The following XXYLT1 variants were observed in gnomAD, a reference collection of about 807,000 sequenced individuals.
XXYLT1 encodes the protein xyloside xylosyltransferase 1.
XXYLT1 carries 20 observed loss-of-function variants against 28.9 expected under a neutral mutation model. That is an observed-to-expected ratio of 0.69 (90% CI 0.49 to 1.00). The LOEUF is 1.00. Among genes scored for constraint, XXYLT1 ranks in the 50% least tolerant of loss-of-function variants. The pLI, the probability that XXYLT1 is intolerant of heterozygous loss-of-function variation, is 0.00. For synonymous variants in XXYLT1, 257 were observed against 253.8 expected, an observed-to-expected ratio of 1.01 and a Z score of -0.12; for missense variants, 542 against 560.1, an observed-to-expected ratio of 0.97 and a Z score of 0.33.
intron 3 of XXYLT1, among the ~76,000 whole-genome samples, chr3:195,148,334 G>C (rs544206399): frequency 6.6e-6 from 1 of 152,294 alleles, no homozygotes; most frequent in South Asian, 2.1e-4. Context: ...ACTTAGCCCA[G>C]TTTTCTAACT....
chr3:195,245,870 A>G (rs1295472655), intron 1 of XXYLT1, among the ~76,000 whole-genome samples: 1 of 152,132 alleles, frequency 6.6e-6, no homozygotes, highest in Non-Finnish European at 1.5e-5. Flanking sequence ...CTGCTTCCCC[A>G]TCACCTTCCG....
rs373341869 is a variant in XXYLT1 at position 195,089,195 on chromosome 3, G to A, written c.786-19084C>T. Among the ~76,000 whole-genome samples the A allele has an allele frequency of 8.6e-5, 13 of 151,798 alleles. No individual in the cohort carries two copies. In the East Asian group the frequency reaches 2.3e-3, roughly 27 times the overall value. ...AGAGAACGCCACAAAGATACTCCTC[G>A]AGAAGAGCAACTCCAAGACACATAA... On this transcript the variant is annotated intron_variant, in intron 3 of 3. Coordinates refer to ENST00000310380, the MANE Select transcript of XXYLT1 (RefSeq NM_152531.5).
chr3:195,111,143 C>T lies in XXYLT1; in HGVS notation c.786-41032G>A, dbSNP rs116774693. On this transcript the variant is annotated intron_variant, in intron 3 of 3. Transcript: ENST00000310380. The stretch of plus-strand genomic sequence containing the variant: ...CGCTCCCCTAGCTTCTGGTGGTTCG[C>T]TGGCAATCTTTGCTATTCCTTAGCA... Among the ~76,000 whole-genome samples, 446 of 152,146 alleles carry T rather than the reference C, an allele frequency of 2.9e-3. 3 individuals carry two copies. The highest frequency in any genetic ancestry group is 0.01 in the African/African-American group (426 of 41,448).
In XXYLT1 at chr3:195,150,973, C is replaced by A. The variant is rs1720205242; in HGVS notation, c.785+5476G>T. 6.6e-6 allele frequency among the ~76,000 whole-genome samples: 1 copy of A among 152,180 alleles called. No individual in the cohort carries two copies. Among genetic ancestry groups the A allele is most frequent in the South Asian group, 2.1e-4 (1 of 4,812 alleles). On this transcript the variant is annotated intron_variant, in intron 3 of 3. Transcript: ENST00000310380. This position sits in a 1 kb window ranked among gnomAD's most constrained non-coding sequence, Gnocchi z 4.7. ...TGACCAGGCCTCCTGGTCCCAGTGG[C>A]CTCCCCAAATGACCCAGTCCACAGT...
intron 2 of XXYLT1, among the ~76,000 whole-genome samples, chr3:195,182,768 A>G (rs1307745983): frequency 6.6e-6 from 1 of 152,106 alleles, no homozygotes; most frequent in Non-Finnish European, 1.5e-5. Context: ...TGTGAAATCT[A>G]TTTTTTCTCT....
intron 3 of XXYLT1, among the ~76,000 whole-genome samples, chr3:195,088,345 G>C (rs570235640): frequency 1.3e-5 from 2 of 148,720 alleles, no homozygotes; most frequent in Non-Finnish European, 1.5e-5. Flanking sequence ...TCTGAGAACG[G>C]GCAGACTGCC....
At chr3:195,071,271 G>A (rs1455985737) in intron 3 of XXYLT1, among the ~76,000 whole-genome samples, 1 of 152,186 alleles carries the variant, frequency 6.6e-6, no homozygotes, top group African/African-American at 2.4e-5. Context: ...CCAGCCTGGA[G>A]ATGCTGCCCC....
chr3:195,111,630 AC>A (rs549449698), intron 3 of XXYLT1, among the ~76,000 whole-genome samples: 2 of 152,144 alleles, frequency 1.3e-5, no homozygotes, highest in Non-Finnish European at 2.9e-5. Flanking sequence ...GCTGATTGTG[AC>A]CAAGCTGAAC....
At chr3:195,200,982 C>T (rs947593280) in intron 2 of XXYLT1, among the ~76,000 whole-genome samples, 4 of 152,136 alleles carry the variant, frequency 2.6e-5, no homozygotes, top group Non-Finnish European at 4.4e-5. Flanking sequence ...CTTGAAATAA[C>T]CCTGTCCCAG....
Position 195,150,152 on chromosome 3 carries a change from C to T in XXYLT1, c.785+6297G>A, listed in dbSNP as rs1720113212. On this transcript the variant is annotated intron_variant, in intron 3 of 3. Transcript: ENST00000310380. This position sits in a 1 kb window ranked among gnomAD's most constrained non-coding sequence, Gnocchi z 4.7. ...GGGACTGTGGATAACGCTGCCACCA[C>T]CACCCAGGAGTGCTGCTCGTGCTAG... Among the ~76,000 whole-genome samples, 1 of 145,978 alleles carries T rather than the reference C, an allele frequency of 6.9e-6. No individual in the cohort carries two copies. Among genetic ancestry groups the T allele is most frequent in the African/African-American group, 2.6e-5 (1 of 38,416 alleles).
chr3:195,212,977 T>A (rs1227809046), intron 2 of XXYLT1, among the ~76,000 whole-genome samples: 1 of 152,010 alleles, frequency 6.6e-6, no homozygotes, highest in Non-Finnish European at 1.5e-5. Flanking sequence ...AACAACTCCA[T>A]CCCCGGGGCC....
Position 195,240,691 on chromosome 3 carries a change from G to C in XXYLT1, c.505-13835C>G, listed in dbSNP as rs964517737. On this transcript the variant is annotated intron_variant, in intron 1 of 3. Coordinates refer to ENST00000310380, the MANE Select transcript of XXYLT1 (RefSeq NM_152531.5). The surrounding 1 kb of genome is among the most constrained non-coding windows in gnomAD (Gnocchi z 4.7). The stretch of plus-strand genomic sequence containing the variant: ...CCCATCTCCTCCCCATGCGCCGCCA[G>C]AGACCATCCCCCAGCACAGCTATTG... Among the ~76,000 whole-genome samples the C allele has an allele frequency of 6.6e-6, 1 of 152,226 alleles. No homozygotes were observed. The highest frequency in any genetic ancestry group is 1.9e-4 in the East Asian group (1 of 5,196).
At chr3:195,106,632 G>A (rs551407998) in intron 3 of XXYLT1, among the ~76,000 whole-genome samples, 1 of 152,376 alleles carries the variant, frequency 6.6e-6, no homozygotes, top group East Asian at 1.9e-4. Flanking sequence ...GCACGCCGCG[G>A]CAGGGAGGGC....
chr3:195,266,074 A>G (rs927164149), intron 1 of XXYLT1, among the ~76,000 whole-genome samples: 1 of 152,212 alleles, frequency 6.6e-6, no homozygotes, highest in African/African-American at 2.4e-5. Flanking sequence ...TCAGAAGCAG[A>G]GCAAGCAAAG....
chr3:195,192,747 C>T (rs1191298488), intron 2 of XXYLT1, among the ~76,000 whole-genome samples: 1 of 152,112 alleles, frequency 6.6e-6, no homozygotes, highest in East Asian at 1.9e-4. Context: ...TCTACACTGT[C>T]CTAGAAGTTC....
chr3:195,110,243 TGTGTGGGTGAAG>T, intron 3 of XXYLT1, among the ~76,000 whole-genome samples: 1 of 24,248 alleles, frequency 4.1e-5, no homozygotes, highest in African/African-American at 1.4e-4. Flanking sequence ...GTGGTGTGCG[TGTGTGGGTGAAG>T]TGTGTGTGGG....
At chr3:195,130,462 T>C (rs560913572) in intron 3 of XXYLT1, among the ~76,000 whole-genome samples, 1 of 152,346 alleles carries the variant, frequency 6.6e-6, no homozygotes, top group Admixed American at 6.5e-5. Flanking sequence ...AGACACCAGG[T>C]AAGATTAAAT....
At chr3:195,270,391 C>T (rs1361453133) in intron 1 of XXYLT1, 164 bp downstream of exon 1, 1 of 978,516 alleles carries the variant, frequency 1.0e-6, no homozygotes, top group Non-Finnish European at 1.2e-6. Flanking sequence ...CCGGACACGC[C>T]CCCGAACGAG....
intron 3 of XXYLT1, among the ~76,000 whole-genome samples, chr3:195,134,911 T>C (rs1238746527): frequency 6.6e-6 from 1 of 152,062 alleles, no homozygotes; most frequent in Non-Finnish European, 1.5e-5. Flanking sequence ...CTATCAGCTA[T>C]TTCCAAAGAC....
Sources: gnomAD v4.1 joint callset for allele counts (sites outside exome capture counted in the v4.1 genomes callset) on GRCh38, gnomAD v4.1.1 for gene constraint, Gnocchi (gnomAD v3.1) non-coding constraint, MANE v1.5 for transcripts, NCBI Gene and HGNC (gene_info 2026-07-23, HGNC 2026-07-21) for gene names.